Variants in GAREM1 observed in about 807,000 individuals in gnomAD.
The protein encoded by GAREM1 is GRB2-associated and regulator of MAPK protein 1.
Under a neutral mutation model 71.3 loss-of-function variants are expected in GAREM1, and 26 were observed. The observed-to-expected ratio is 0.36, with a 90% CI of 0.27 to 0.51. GAREM1 has a LOEUF of 0.51. GAREM1 is among the 20% of genes least tolerant of loss of function. The pLI, the probability that GAREM1 is intolerant of heterozygous loss-of-function variation, is 0.95. For missense variants in GAREM1, 1,026 were observed against 1,103.1 expected (o/e 0.93, Z 0.99); for synonymous variants, 440 against 433.2 (o/e 1.02, Z -0.20).
Position 32,320,431 on chromosome 18 carries a change from G to C in GAREM1, c.263-10108C>G, listed in dbSNP as rs557571068. Among the ~76,000 whole-genome samples the C allele has an allele frequency of 2.0e-5, 3 of 152,148 alleles. No individual in the cohort carries two copies. The East Asian group carries it at 5.8e-4, about 29-fold the overall frequency. On this transcript the variant is annotated intron_variant, in intron 2 of 5. Coordinates refer to ENST00000269209, the MANE Select transcript of GAREM1 (RefSeq NM_001242409.2). ...TGATTCCCTACATTACTTGAAGTTA[G>C]TTCCTAAAATTACTATTTTTTCATG...
intron 4 of GAREM1, among the ~76,000 whole-genome samples, chr18:32,272,758 G>A (rs2041481166): frequency 6.6e-6 from 1 of 152,148 alleles, no homozygotes; most frequent in South Asian, 2.1e-4. Flanking sequence ...TGAGTAGCTG[G>A]GATCACAGGC....
At chr18:32,459,977 T>A (rs1285944752) in intron 1 of GAREM1, among the ~76,000 whole-genome samples, 1 of 152,212 alleles carries the variant, frequency 6.6e-6, no homozygotes. Context: ...GTAACAGATA[T>A]GTTTTAAAAT....
intron 3 of GAREM1, among the ~76,000 whole-genome samples, chr18:32,302,640 A>G (rs1234171013): frequency 6.6e-6 from 1 of 152,178 alleles, no homozygotes; most frequent in Non-Finnish European, 1.5e-5. Context: ...GGTCTCATTT[A>G]TATATGGAAA....
At chr18:32,395,518 A>T (rs1226540142) in intron 1 of GAREM1, among the ~76,000 whole-genome samples, 4 of 152,208 alleles carry the variant, frequency 2.6e-5, no homozygotes, top group Non-Finnish European at 4.4e-5. Context: ...ATTTATTTTT[A>T]ACAAGTCCAA....
chr18:32,397,269 A>G (rs2048266662), intron 1 of GAREM1, among the ~76,000 whole-genome samples: 1 of 152,216 alleles, frequency 6.6e-6, no homozygotes, highest in African/African-American at 2.4e-5. Context: ...ACCAGCTAAC[A>G]TCATAATGAC....
chr18:32,345,473 A>T (rs952148943), intron 2 of GAREM1, among the ~76,000 whole-genome samples: 1 of 152,232 alleles, frequency 6.6e-6, no homozygotes, highest in Admixed American at 6.5e-5. Flanking sequence ...TTAGATAAAG[A>T]TCAAATTAAT....
chr18:32,315,962 A>AT (rs989749957), intron 2 of GAREM1, among the ~76,000 whole-genome samples: 2 of 152,052 alleles, frequency 1.3e-5, no homozygotes, highest in African/African-American at 4.8e-5. Flanking sequence ...TTGTTTTTTA[A>AT]TTATTTTTCT....
intron 3 of GAREM1, among the ~76,000 whole-genome samples, chr18:32,308,966 A>G (rs1054053404): frequency 1.3e-5 from 2 of 150,048 alleles, no homozygotes; most frequent in African/African-American, 4.9e-5. Flanking sequence ...GGAATGACTC[A>G]TCCACAAAGA....
intron 1 of GAREM1, among the ~76,000 whole-genome samples, chr18:32,401,141 C>G (rs894276149): frequency 3.9e-5 from 6 of 151,964 alleles, no homozygotes; most frequent in Non-Finnish European, 8.8e-5. Flanking sequence ...CACCTGGACA[C>G]AGCAAGGGGA....
chr18:32,421,535 C>T (rs1369044536), intron 1 of GAREM1, among the ~76,000 whole-genome samples: 2 of 152,128 alleles, frequency 1.3e-5, no homozygotes, highest in African/African-American at 2.4e-5. Context: ...GAAAAAAGTC[C>T]AAACGCCGTG....
At chr18:32,401,540 T>C (rs2048315893) in intron 1 of GAREM1, among the ~76,000 whole-genome samples, 1 of 151,904 alleles carries the variant, frequency 6.6e-6, no homozygotes, top group African/African-American at 2.4e-5. Context: ...TGTGAGCTGC[T>C]CTTTCTTTGA....
At chr18:32,302,616 G>C (rs1443486461) in intron 3 of GAREM1, among the ~76,000 whole-genome samples, 1 of 152,122 alleles carries the variant, frequency 6.6e-6, no homozygotes, top group Non-Finnish European at 1.5e-5. Context: ...GGCATAGAAA[G>C]ACAAATACCA....
chr18:32,286,940 C>T (rs752422149), intron 4 of GAREM1, 91 bp downstream of exon 4: 2 of 924,090 alleles, frequency 2.2e-6, no homozygotes, highest in Non-Finnish European at 3.4e-6. Flanking sequence ...CTGCAATCTT[C>T]AGTTGGGGAG....
At chr18:32,312,989 T>C (rs73956875) in intron 2 of GAREM1, among the ~76,000 whole-genome samples, 10,044 of 152,138 alleles carry the variant, frequency 0.066, 378 homozygotes, top group African/African-American at 0.093. Flanking sequence ...AAGGTTGCAA[T>C]GTAATATGAT....
intron 1 of GAREM1, among the ~76,000 whole-genome samples, chr18:32,433,161 A>C (rs1444652780): frequency 6.6e-6 from 1 of 151,926 alleles, no homozygotes; most frequent in Non-Finnish European, 1.5e-5. Context: ...GGCAAAAAAA[A>C]AACAACCCCA....
intron 2 of GAREM1, among the ~76,000 whole-genome samples, chr18:32,358,135 C>T (rs984893188): frequency 8.2e-6 from 1 of 121,358 alleles, no homozygotes; most frequent in Non-Finnish European, 1.7e-5. Flanking sequence ...CCCCCCACCC[C>T]GAGTAAGCTT....
intron 2 of GAREM1, among the ~76,000 whole-genome samples, chr18:32,341,737 A>C (rs1188122959): frequency 3.9e-5 from 6 of 152,130 alleles, no homozygotes; most frequent in Non-Finnish European, 8.8e-5. Context: ...AATGGGGTGG[A>C]GCGGGGAGAG....
At chr18:32,396,488 C>T (rs1000541974) in intron 1 of GAREM1, among the ~76,000 whole-genome samples, 3 of 152,160 alleles carry the variant, frequency 2.0e-5, no homozygotes, top group Non-Finnish European at 4.4e-5. Context: ...AAAACCATGG[C>T]ACGAGAACTA....
intron 1 of GAREM1, among the ~76,000 whole-genome samples, chr18:32,443,351 T>C (rs948723882): frequency 5.9e-5 from 9 of 152,132 alleles, no homozygotes; most frequent in African/African-American, 2.2e-4. Flanking sequence ...AGTGAAAAGA[T>C]AACCCATATA....
Sources: allele counts gnomAD v4.1 joint callset (sites outside exome capture counted in the v4.1 genomes callset), GRCh38; gene constraint gnomAD v4.1.1; transcripts MANE v1.5; gene names NCBI Gene and HGNC (gene_info 2026-07-23, HGNC 2026-07-21).